The following NCOA7 variants were observed in gnomAD, a reference collection of about 807,000 sequenced individuals.
NCOA7 encodes nuclear receptor coactivator 7.
NCOA7 carries 45 observed loss-of-function variants against 104.3 expected under a neutral mutation model. That is an observed-to-expected ratio of 0.43 (90% CI 0.34 to 0.55). The LOEUF (loss-of-function observed/expected upper bound fraction) is 0.55, where lower values mean the gene tolerates loss of function less well. NCOA7 is among the 20% of genes least tolerant of loss of function. The pLI, the probability that NCOA7 is intolerant of heterozygous loss-of-function variation, is 0.02. For synonymous variants in NCOA7, 398 were observed against 402.3 expected (o/e 0.99, Z 0.13); for missense variants, 1,041 against 1,119.7 (o/e 0.93, Z 1.00).
intron 1 of NCOA7, among the ~76,000 whole-genome samples, chr6:125,799,399 C>T (rs1482957659): frequency 6.6e-6 from 1 of 151,846 alleles, no homozygotes; most frequent in Admixed American, 6.6e-5. Context: ...AGCATTTGTG[C>T]CACAAATGAA....
intron 3 of NCOA7, among the ~76,000 whole-genome samples, chr6:125,869,449 G>A (rs1782703091): frequency 6.6e-6 from 1 of 152,042 alleles, no homozygotes. Context: ...ATTCTGACAG[G>A]CAGACTAATG....
intron 2 of NCOA7, among the ~76,000 whole-genome samples, chr6:125,823,853 TTAGAC>T (rs1778418778): frequency 6.6e-6 from 1 of 152,158 alleles, no homozygotes; most frequent in African/African-American, 2.4e-5. Context: ...ACAGAATAGA[TTAGAC>T]TGGACTAAGC....
At chr6:125,886,925 T>C (rs1784310400) in intron 8 of NCOA7, among the ~76,000 whole-genome samples, 2 of 152,234 alleles carry the variant, frequency 1.3e-5, no homozygotes, top group African/African-American at 4.8e-5. Context: ...TGCAGGACGT[T>C]TTGTAGCTCC....
chr6:125,924,219 A>G (rs530939600), intron 13 of NCOA7, among the ~76,000 whole-genome samples: 3 of 152,354 alleles, frequency 2.0e-5, no homozygotes, highest in African/African-American at 7.2e-5. Context: ...TATTTGTCCT[A>G]TTTACTTACC....
intron 1 of NCOA7, among the ~76,000 whole-genome samples, chr6:125,800,698 G>C (rs1206594387): frequency 1.3e-5 from 2 of 152,182 alleles, no homozygotes; most frequent in South Asian, 4.1e-4. Context: ...CAGTCTGATT[G>C]GAAGGAATGT....
chr6:125,832,649 C>G (rs1025939609), intron 2 of NCOA7, among the ~76,000 whole-genome samples: 1 of 152,136 alleles, frequency 6.6e-6, no homozygotes, highest in Non-Finnish European at 1.5e-5. Flanking sequence ...CACTTAGGGC[C>G]CTTAAGGGCC....
chr6:125,855,363 C>T, intron 3 of NCOA7, 123 bp downstream of exon 3: 1 of 718,600 alleles, frequency 1.4e-6, no homozygotes, highest in Non-Finnish European at 2.3e-6. Context: ...GCTATGTGCC[C>T]CTGGCCCTTG....
intron 11 of NCOA7, among the ~76,000 whole-genome samples, 170 bp downstream of exon 11, chr6:125,915,650 C>T (rs1036224919): frequency 2.0e-5 from 3 of 152,086 alleles, no homozygotes. Context: ...CCACCACCAG[C>T]ACCACCGCTA....
In NCOA7 at chr6:125,931,700, C is replaced by T. The variant is rs1194381714; in HGVS notation, c.*2929C>T. ...TAATTTGATCTCCCTCTCCTTGATG[C>T]CTTTTAAAGTTTTAGAGACACATTG... On this transcript the variant is annotated 3_prime_UTR_variant, in exon 16 of 16. Transcript: ENST00000392477. 1.3e-5 allele frequency: 2 copies of T among 152,142 alleles called. No homozygotes were observed. The highest frequency in any genetic ancestry group is 4.8e-5 in the African/African-American group (2 of 41,434). The allele number at this position is 152,142 out of a possible 1,614,324, so 9.4% of individuals were successfully genotyped here.
intron 7 of NCOA7, among the ~76,000 whole-genome samples, chr6:125,882,974 TTAAC>T (rs1230052134): frequency 2.0e-5 from 3 of 152,198 alleles, no homozygotes; most frequent in Non-Finnish European, 4.4e-5. Flanking sequence ...ATAAAAAAAT[TTAAC>T]TAATAGGATA....
chr6:125,929,197 A>C lies in NCOA7; in HGVS notation c.*426A>C, dbSNP rs890702174. ...GCCATGGAAAAGGTTAGTCTCATTT[A>C]GAAAAATCGAAAGTGCACAGCACTT... On this transcript the variant is annotated 3_prime_UTR_variant, in exon 16 of 16. Coordinates refer to ENST00000392477, the MANE Select transcript of NCOA7 (RefSeq NM_181782.5). 1 of 152,642 alleles carries C rather than the reference A, an allele frequency of 6.6e-6. No individual in the cohort carries two copies. Among genetic ancestry groups the C allele is most frequent in the African/African-American group, 2.4e-5 (1 of 41,336 alleles). 9.5% of individuals were successfully genotyped at this position (152,642 alleles called of 1,614,324 possible).
intron 7 of NCOA7, among the ~76,000 whole-genome samples, chr6:125,883,880 C>T (rs548840090): frequency 1.2e-4 from 18 of 152,072 alleles, no homozygotes; most frequent in Middle Eastern, 3.4e-3. Flanking sequence ...CCACCTCATC[C>T]GGCTAATTTT....
Position 125,887,950 on chromosome 6 carries a change from A to G in NCOA7, c.885-989A>G, listed in dbSNP as rs1423091542. Among the ~76,000 whole-genome samples the G allele has an allele frequency of 2.0e-5, 3 of 152,106 alleles. No homozygotes were observed. In the East Asian group the frequency reaches 5.8e-4, roughly 29 times the overall value. The stretch of plus-strand genomic sequence containing the variant: ...TATTTTCAACTTTTATTTTAAGTTC[A>G]AGGGTACATGTGCAGGATGTGCAGG... On this transcript the variant is annotated intron_variant, in intron 8 of 15. Coordinates refer to ENST00000392477, the MANE Select transcript of NCOA7 (RefSeq NM_181782.5).
intron 3 of NCOA7, among the ~76,000 whole-genome samples, chr6:125,856,469 C>T (rs530789001): frequency 7.2e-5 from 11 of 152,228 alleles, no homozygotes; most frequent in Non-Finnish European, 1.3e-4. Context: ...CCTCCTGCCT[C>T]AGCCTCCCGA....
intron 3 of NCOA7, among the ~76,000 whole-genome samples, chr6:125,871,952 G>A (rs1196333853): frequency 1.4e-5 from 2 of 147,348 alleles, no homozygotes; most frequent in African/African-American, 2.5e-5. Flanking sequence ...AGTCATGTTA[G>A]TGCCACTGCA....
At chr6:125,874,856 A>G in intron 3 of NCOA7, 33 bp from the exon 4 acceptor site, 1 of 1,555,254 alleles carries the variant, frequency 6.4e-7, no homozygotes, top group South Asian at 1.1e-5. Context: ...CCTGAAAATG[A>G]AATTATTCAT....
At position 125,915,483 on chromosome 6, in the gene NCOA7, G is replaced by A. The variant is rs199557348; in HGVS notation, c.2244+3G>A. ...AGCCAACAACCAAGAGCTGGGAGGT[G>A]AGCACTTGGGCAGGGTTAGACCGTC... On this transcript the variant is annotated splice_donor_region_variant and intron_variant, in intron 11 of 15. Transcript: ENST00000392477. 1,952 of 1,613,556 alleles carry A rather than the reference G, an allele frequency of 1.2e-3. No individual in the cohort carries two copies. Among genetic ancestry groups the A allele is most frequent in the Non-Finnish European group, 1.5e-3 (1,799 of 1,179,666 alleles).
At chr6:125,836,329 T>G (rs949573776) in intron 2 of NCOA7, among the ~76,000 whole-genome samples, 1 of 152,210 alleles carries the variant, frequency 6.6e-6, no homozygotes, top group Admixed American at 6.5e-5. Context: ...AATGTATACA[T>G]GCGTTAAAAT....
intron 1 of NCOA7, among the ~76,000 whole-genome samples, chr6:125,791,698 G>A (rs1774877832): frequency 6.6e-6 from 1 of 152,168 alleles, no homozygotes; most frequent in Non-Finnish European, 1.5e-5. Context: ...TACGTGAAGG[G>A]ATGTGTTTTA....
Sources: gnomAD v4.1 joint callset for allele counts (sites outside exome capture counted in the v4.1 genomes callset) on GRCh38, gnomAD v4.1.1 for gene constraint, MANE v1.5 for transcripts, NCBI Gene and HGNC (gene_info 2026-07-23, HGNC 2026-07-21) for gene names.